The following MAP3K4 variants were observed in gnomAD, a reference collection of about 807,000 sequenced individuals.
MAP3K4 encodes MAP three kinase 1.
Under a neutral mutation model 185.6 loss-of-function variants are expected in MAP3K4, and 67 were observed. The observed-to-expected ratio is 0.36, with a 90% CI of 0.30 to 0.44. The LOEUF is 0.44. Ranked by LOEUF, MAP3K4 falls within the 20% of genes least tolerant of loss-of-function variation. The probability of loss-of-function intolerance (pLI) is 1.00; values close to 1 mark genes in which losing one functional copy is unlikely to be tolerated. For missense variants in MAP3K4, 1,551 were observed against 1,995.1 expected, an observed-to-expected ratio of 0.78 and a Z score of 4.24; for synonymous variants, 702 against 710.4, an observed-to-expected ratio of 0.99 and a Z score of 0.19.
chr6:161,103,946 G>A lies in MAP3K4; in HGVS notation c.3856+1167G>A, dbSNP rs1425756034. On this transcript the variant is annotated intron_variant, in intron 19 of 26. Transcript: ENST00000392142. This position sits in a 1 kb window ranked among gnomAD's most constrained non-coding sequence, Gnocchi z 4.6. ...GGTTCAAGTGGGGGAGTTTTCCTAG[G>A]CTTGAGCCAGGTGACAGGAAGACAG... Among the ~76,000 whole-genome samples, 1 of 152,164 alleles carries A rather than the reference G, an allele frequency of 6.6e-6. No individual in the cohort carries two copies. Among genetic ancestry groups the A allele is most frequent in the Non-Finnish European group, 1.5e-5 (1 of 68,040 alleles).
Position 161,064,810 on chromosome 6 carries a change from A to G in MAP3K4, c.1708-5798A>G, listed in dbSNP as rs1293284498. Among the ~76,000 whole-genome samples the G allele has an allele frequency of 6.6e-6, 1 of 152,202 alleles. No homozygotes were observed. Among genetic ancestry groups the G allele is most frequent in the Admixed American group, 6.5e-5 (1 of 15,278 alleles). The stretch of plus-strand genomic sequence containing the variant: ...TGGAAATAAAGATTTTATTACTTGC[A>G]GGTTCTGGAGGGTACACGGCACGCC... On this transcript the variant is annotated intron_variant, in intron 3 of 26. Transcript: ENST00000392142. The surrounding 1 kb of genome is among the most constrained non-coding windows in gnomAD (Gnocchi z 4.3).
At position 161,037,157 on chromosome 6, in the gene MAP3K4, G is replaced by A. The variant is rs1409400307; in HGVS notation, c.343+2708G>A. ...TGGGACGCCAGTGGTAGACAAGTGGGCCATTTTAATGTCTTAGTCTTGGTT... is the reference window on the plus strand; with the variant it reads ...TGGGACGCCAGTGGTAGACAAGTGGACCATTTTAATGTCTTAGTCTTGGTT... On this transcript the variant is annotated intron_variant, in intron 2 of 26. Coordinates refer to ENST00000392142, the MANE Select transcript of MAP3K4 (RefSeq NM_005922.4). The surrounding 1 kb of genome is among the most constrained non-coding windows in gnomAD (Gnocchi z 4.2). Among the ~76,000 whole-genome samples the A allele has an allele frequency of 6.6e-6, 1 of 152,156 alleles. No individual in the cohort carries two copies. The highest frequency in any genetic ancestry group is 2.4e-5 in the African/African-American group (1 of 41,434).
intron 1 of MAP3K4, among the ~76,000 whole-genome samples, chr6:161,023,228 G>A (rs1407514531): frequency 6.6e-6 from 1 of 152,034 alleles, no homozygotes; most frequent in Non-Finnish European, 1.5e-5. Context: ...TTTTTAGGCA[G>A]TCTATTTTAG....
In MAP3K4 at chr6:161,086,617, G is replaced by T; in HGVS notation, c.2506G>T (p.Ala836Ser). ...AATAGCAGCAGAATTCAGGCTTTCA[G>T]CCCCAGTTAGAGACCTCCTGGATGT... ...LEIAAEFRLS[A>S]PVRDLLDVLK... The change falls in exon 9 of 27, where the codon GCC (alanine) becomes TCC (serine). Residue 836 changes from alanine to serine, a missense_variant. Around this residue, in one of 16 missense-constraint regions of MAP3K4, gnomAD observed 261 missense variants for 306.5 expected, o/e 0.85. Coordinates refer to ENST00000392142, the MANE Select transcript of MAP3K4 (RefSeq NM_005922.4). This position sits in a 1 kb window ranked among gnomAD's most constrained non-coding sequence, Gnocchi z 4.8. 1 of 1,614,062 alleles carries T rather than the reference G, an allele frequency of 6.2e-7. No homozygotes were observed. Among genetic ancestry groups the T allele is most frequent in the African/African-American group, 1.3e-5 (1 of 75,020 alleles).
intron 2 of MAP3K4, among the ~76,000 whole-genome samples, chr6:161,040,521 A>G (rs1783402664): frequency 6.6e-6 from 1 of 152,220 alleles, no homozygotes; most frequent in South Asian, 2.1e-4. Flanking sequence ...GCATTTTTGT[A>G]AGGAGTCCAT....
At chr6:160,992,169 C>T in intron 1 of MAP3K4, 86 bp downstream of exon 1, 1 of 1,411,352 alleles carries the variant, frequency 7.1e-7, no homozygotes, top group Non-Finnish European at 9.2e-7. Context: ...GCCTCTGCTT[C>T]CCGCCAGGTG....
At chr6:161,104,383 T>G (rs1295691364) in intron 19 of MAP3K4, among the ~76,000 whole-genome samples, 1 of 128,328 alleles carries the variant, frequency 7.8e-6, no homozygotes, top group Non-Finnish European at 1.6e-5. Flanking sequence ...CATCACACTC[T>G]AGCCTGGGCA....
chr6:161,052,948 A>C (rs528359938), intron 3 of MAP3K4, among the ~76,000 whole-genome samples: 1 of 152,308 alleles, frequency 6.6e-6, no homozygotes, highest in African/African-American at 2.4e-5. Context: ...AGTGGGTATA[A>C]TACTACCTTC....
At chr6:161,089,838 TG>T (rs1419845625) in intron 11 of MAP3K4, among the ~76,000 whole-genome samples, 1 of 152,212 alleles carries the variant, frequency 6.6e-6, no homozygotes, top group East Asian at 1.9e-4. Flanking sequence ...ATATCAGCAG[TG>T]TGTAATAGAA....
At chr6:161,047,381 A>T (rs893428691) in intron 2 of MAP3K4, among the ~76,000 whole-genome samples, 1 of 151,710 alleles carries the variant, frequency 6.6e-6, no homozygotes, top group African/African-American at 2.4e-5. Context: ...TTGAGGCTGC[A>T]CTCCAGCCTG....
chr6:161,070,824 G>A lies in MAP3K4; in HGVS notation c.1924G>A (p.Glu642Lys). 6.2e-7 allele frequency: 1 copy of A among 1,613,316 alleles called. No individual in the cohort carries two copies. Among genetic ancestry groups the A allele is most frequent in the Non-Finnish European group, 8.5e-7 (1 of 1,179,638 alleles). The change falls in exon 4 of 27, where the codon GAA becomes AAA. Residue 642 changes from glutamate (E) to lysine (K), a missense_variant. Glu to Lys is a moderately conservative substitution (Grantham distance 56, BLOSUM62 1). This residue lies in a region of MAP3K4 where 27 missense variants were observed against 64.4 expected (regional missense o/e 0.42). Coordinates refer to ENST00000392142, the MANE Select transcript of MAP3K4 (RefSeq NM_005922.4). This position sits in a 1 kb window ranked among gnomAD's most constrained non-coding sequence, Gnocchi z 4.5. Reference protein sequence around the residue: ...KLRLEQRPAGEPSLLSIKQLV... With the variant: ...KLRLEQRPAGKPSLLSIKQLV... ...AAGATTGGAGCAGAGACCTGCTGGAGAACCATCTCTCTTGAGTATTAAGCA... is the reference window on the plus strand; with the variant it reads ...AAGATTGGAGCAGAGACCTGCTGGAAAACCATCTCTCTTGAGTATTAAGCA...
chr6:161,026,955 CTT>C (rs1782702387), intron 1 of MAP3K4, among the ~76,000 whole-genome samples: 1 of 151,884 alleles, frequency 6.6e-6, no homozygotes, highest in Non-Finnish European at 1.5e-5. Context: ...TAATTCGTCT[CTT>C]TATATATATT....
At chr6:161,011,861 C>T (rs184086474) in intron 1 of MAP3K4, among the ~76,000 whole-genome samples, 1 of 152,276 alleles carries the variant, frequency 6.6e-6, no homozygotes, top group African/African-American at 2.4e-5. Flanking sequence ...TATTCCTTTC[C>T]TGACAGACTC....
chr6:161,062,320 T>A (rs1350142121), intron 3 of MAP3K4, among the ~76,000 whole-genome samples: 2 of 152,212 alleles, frequency 1.3e-5, no homozygotes, highest in East Asian at 3.8e-4. Flanking sequence ...ATATCTGTAT[T>A]ATCAATCATA....
rs1428365395 is a variant in MAP3K4 at position 161,054,237 on chromosome 6, C to G, written c.1707+4258C>G. ...TGGCGCTATCTCAGCTCCCTGAGAC[C>G]TTTGCCTTGGGGGTTCAGGCTATTC... On this transcript the variant is annotated intron_variant, in intron 3 of 26. Transcript: ENST00000392142. This position sits in a 1 kb window ranked among gnomAD's most constrained non-coding sequence, Gnocchi z 4.2. 6.6e-6 allele frequency among the ~76,000 whole-genome samples: 1 copy of G among 152,098 alleles called. No homozygotes were observed. Among genetic ancestry groups the G allele is most frequent in the Non-Finnish European group, 1.5e-5 (1 of 68,030 alleles).
intron 1 of MAP3K4, among the ~76,000 whole-genome samples, chr6:161,032,130 T>C (rs1782959178): frequency 6.6e-6 from 1 of 152,244 alleles, no homozygotes; most frequent in Admixed American, 6.5e-5. Flanking sequence ...AAATATAGTC[T>C]TTTCTTAGTG....
intron 1 of MAP3K4, among the ~76,000 whole-genome samples, chr6:160,999,172 G>C (rs1310628934): frequency 6.6e-6 from 1 of 152,218 alleles, no homozygotes; most frequent in African/African-American, 2.4e-5. Flanking sequence ...TTCAGTGGAA[G>C]CTTTTTTGTG....
intron 1 of MAP3K4, among the ~76,000 whole-genome samples, chr6:161,025,864 TCCC>T (rs1562488976): frequency 1.6e-4 from 25 of 152,332 alleles, no homozygotes; most frequent in African/African-American, 6.0e-4. Flanking sequence ...TTGTTTTTCC[TCCC>T]AGCTTTGACA....
chr6:161,045,229 G>T (rs1273520024), intron 2 of MAP3K4, among the ~76,000 whole-genome samples: 1 of 151,896 alleles, frequency 6.6e-6, no homozygotes, highest in African/African-American at 2.4e-5. Flanking sequence ...TTTGGGGTGG[G>T]GGGGAACAAA....
Sources: gnomAD v4.1 joint callset for allele counts (sites outside exome capture counted in the v4.1 genomes callset) on GRCh38, gnomAD v4.1.1 for gene constraint, gnomAD v4.1.1 regional missense constraint, Gnocchi (gnomAD v3.1) non-coding constraint, MANE v1.5 for transcripts, NCBI Gene and HGNC (gene_info 2026-07-23, HGNC 2026-07-21) for gene names.